OPCML: variants seen among roughly 807,000 people sequenced by gnomAD.
OPCML encodes the protein opioid binding protein/cell adhesion molecule like.
In OPCML, 13 loss-of-function variants were observed where a neutral mutation model predicts 37.8. That is an observed-to-expected ratio of 0.34 (90% CI 0.22 to 0.55). The LOEUF (loss-of-function observed/expected upper bound fraction) is 0.55, where lower values mean the gene tolerates loss of function less well. Among genes scored for constraint, OPCML ranks in the 20% least tolerant of loss-of-function variants. The pLI is 0.91. For synonymous variants in OPCML, 176 were observed against 168.8 expected (o/e 1.04, Z -0.33); for missense variants, 341 against 435.6 (o/e 0.78, Z 1.93).
At chr11:133,255,297 T>G (rs1658679862) in intron 1 of OPCML, among the ~76,000 whole-genome samples, 1 of 152,080 alleles carries the variant, frequency 6.6e-6, no homozygotes, top group South Asian at 2.1e-4. Context: ...TAATGATATT[T>G]TACAGGGAAG....
intron 4 of OPCML, among the ~76,000 whole-genome samples, chr11:132,449,433 G>A (rs1264510311): frequency 6.6e-6 from 1 of 152,030 alleles, no homozygotes; most frequent in African/African-American, 2.4e-5. Flanking sequence ...CCATTTTCAT[G>A]CGTCTGAGGG....
rs1943912955 is a variant in OPCML, at chr11:133,343,077, G to A, written c.61+189187C>T. Among the ~76,000 whole-genome samples the A allele has an allele frequency of 2.6e-5, 4 of 152,084 alleles. 1 individual carries two copies. In the South Asian group the frequency reaches 8.3e-4, roughly 32 times the overall value. On this transcript the variant is annotated intron_variant, in intron 1 of 7. Coordinates refer to ENST00000524381, the MANE Select transcript of OPCML (RefSeq NM_001012393.5). ...CTCCTAGCCTCAAACAATCCTCCCA[G>A]CTGGGCCTCCCAAATCACTGGGATT...
chr11:132,875,914 A>G (rs1942992700), intron 2 of OPCML, among the ~76,000 whole-genome samples: 1 of 152,208 alleles, frequency 6.6e-6, no homozygotes, highest in Admixed American at 6.5e-5. Flanking sequence ...CGACATACAA[A>G]CTGCATTATT....
At chr11:132,466,223 C>T (rs1007831330) in intron 4 of OPCML, among the ~76,000 whole-genome samples, 1 of 151,816 alleles carries the variant, frequency 6.6e-6, no homozygotes, top group African/African-American at 2.4e-5. Context: ...CGGTGGCTCA[C>T]GCCTGTCATC....
chr11:133,330,382 C>T (rs1224425324), intron 1 of OPCML, among the ~76,000 whole-genome samples: 1 of 152,182 alleles, frequency 6.6e-6, no homozygotes, highest in African/African-American at 2.4e-5. Context: ...AAGACACATG[C>T]ACACGTATGT....
intron 1 of OPCML, among the ~76,000 whole-genome samples, chr11:133,197,357 T>C (rs1169967106): frequency 6.6e-6 from 1 of 152,184 alleles, no homozygotes; most frequent in Non-Finnish European, 1.5e-5. Context: ...TGGTAAGAGA[T>C]CATTAAACCT....
At chr11:132,597,797 A>G (rs1214852644) in intron 3 of OPCML, among the ~76,000 whole-genome samples, 1 of 152,226 alleles carries the variant, frequency 6.6e-6, no homozygotes, top group Non-Finnish European at 1.5e-5. Flanking sequence ...TAAAATATAT[A>G]AGGATAAAAC....
intron 1 of OPCML, among the ~76,000 whole-genome samples, chr11:133,178,098 A>G (rs1563155): frequency 0.5 from 76,456 of 152,010 alleles, 20,002 homozygotes; most frequent in African/African-American, 0.63. Flanking sequence ...TGAGTGCTCT[A>G]AAGTCAGGAG....
chr11:132,660,005 C>T (rs1941890073), intron 2 of OPCML, among the ~76,000 whole-genome samples: 1 of 151,824 alleles, frequency 6.6e-6, no homozygotes, highest in Non-Finnish European at 1.5e-5. Flanking sequence ...AAACTTTAAG[C>T]AATAATATAT....
intron 2 of OPCML, among the ~76,000 whole-genome samples, chr11:132,793,075 C>A (rs946982262): frequency 6.6e-6 from 1 of 152,136 alleles, no homozygotes; most frequent in Admixed American, 6.5e-5. Context: ...GTCCGGGGCG[C>A]CTCCGGCCCC....
rs184008216 is a variant in OPCML, at chr11:133,156,904, G to T, written c.62-213894C>A. Among the ~76,000 whole-genome samples the T allele has an allele frequency of 2.6e-5, 4 of 152,166 alleles. No individual in the cohort carries two copies. In the East Asian group the frequency reaches 7.7e-4, roughly 29 times the overall value. ...TAAGAGTTTCTCTCTTGCTGGAGCT[G>T]GACTAAGAACACCTGGAAACCCTGC... On this transcript the variant is annotated intron_variant, in intron 1 of 7. Coordinates refer to ENST00000524381, the MANE Select transcript of OPCML (RefSeq NM_001012393.5).
intron 4 of OPCML, among the ~76,000 whole-genome samples, chr11:132,482,604 A>C (rs2096184910): frequency 6.6e-6 from 1 of 152,226 alleles, no homozygotes; most frequent in African/African-American, 2.4e-5. Flanking sequence ...AAAGCTGGGC[A>C]GAGACACAAC....
chr11:132,431,754 T>C (rs1036734479), intron 7 of OPCML, among the ~76,000 whole-genome samples: 1 of 152,080 alleles, frequency 6.6e-6, no homozygotes. Flanking sequence ...ATATAAAAGA[T>C]GTAGTGTGAG....
At chr11:133,313,962 G>T (rs185859135) in intron 1 of OPCML, among the ~76,000 whole-genome samples, 1 of 152,106 alleles carries the variant, frequency 6.6e-6, no homozygotes, top group Non-Finnish European at 1.5e-5. Flanking sequence ...CAGGCTGGGC[G>T]CAGTGGCTCA....
intron 1 of OPCML, among the ~76,000 whole-genome samples, chr11:132,994,900 G>A (rs1272669242): frequency 6.6e-6 from 1 of 152,192 alleles, no homozygotes; most frequent in African/African-American, 2.4e-5. Context: ...AATGTGCACA[G>A]CACCCCTAGG....
chr11:133,147,344 A>G (rs1949911894), intron 1 of OPCML, among the ~76,000 whole-genome samples: 1 of 152,094 alleles, frequency 6.6e-6, no homozygotes, highest in African/African-American at 2.4e-5. Flanking sequence ...ATCACTTTTG[A>G]TAGTCTGGAG....
chr11:133,130,891 A>G (rs1349461199), intron 1 of OPCML, among the ~76,000 whole-genome samples: 1 of 152,188 alleles, frequency 6.6e-6, no homozygotes, highest in Non-Finnish European at 1.5e-5. Context: ...CCACATGCAA[A>G]AAAAAAATGA....
intron 3 of OPCML, among the ~76,000 whole-genome samples, chr11:132,555,448 A>G (rs1456456360): frequency 6.6e-6 from 1 of 152,146 alleles, no homozygotes; most frequent in Non-Finnish European, 1.5e-5. Context: ...CACAAAAACA[A>G]TATGGGAGAA....
intron 3 of OPCML, among the ~76,000 whole-genome samples, chr11:132,637,339 G>T (rs1434589472): frequency 2.6e-5 from 4 of 151,932 alleles, no homozygotes; most frequent in Non-Finnish European, 5.9e-5. Flanking sequence ...TTTAAGCCTG[G>T]TTCTCCCAAA....
Sources: gnomAD v4.1 joint callset for allele counts (sites outside exome capture counted in the v4.1 genomes callset) on GRCh38, gnomAD v4.1.1 for gene constraint, MANE v1.5 for transcripts, NCBI Gene and HGNC (gene_info 2026-07-23, HGNC 2026-07-21) for gene names.